TFDP2: variants seen among roughly 807,000 people sequenced by gnomAD.
TFDP2 encodes the protein transcription factor Dp-2.
A neutral mutation model predicts 59.3 loss-of-function variants in TFDP2; 17 were observed. That is an observed-to-expected ratio of 0.29 (90% CI 0.20 to 0.43). The LOEUF (loss-of-function observed/expected upper bound fraction) is 0.43, where lower values mean the gene tolerates loss of function less well. Ranked by LOEUF, TFDP2 falls within the 20% of genes least tolerant of loss-of-function variation. TFDP2 has a pLI of 1.00. For missense variants in TFDP2, 391 were observed against 528.8 expected (o/e 0.74, Z 2.56); for synonymous variants, 180 against 194.7 (o/e 0.92, Z 0.63).
intron 2 of TFDP2, among the ~76,000 whole-genome samples, chr3:142,095,220 C>T (rs942408749): frequency 6.6e-6 from 1 of 152,118 alleles, no homozygotes; most frequent in Admixed American, 6.5e-5. Flanking sequence ...AAACTCCTGT[C>T]CTCAAGTGAT....
At chr3:142,100,615 T>C (rs1007276440) in intron 2 of TFDP2, among the ~76,000 whole-genome samples, 87 of 152,066 alleles carry the variant, frequency 5.7e-4, no homozygotes, top group Non-Finnish European at 1.0e-3. Flanking sequence ...TCAGGTGATC[T>C]GCCCACCTTG....
chr3:141,971,107 T>C (rs1939664370), intron 8 of TFDP2, among the ~76,000 whole-genome samples: 1 of 151,716 alleles, frequency 6.6e-6, no homozygotes, highest in South Asian at 2.1e-4. Flanking sequence ...ATTTTCCAGC[T>C]TCAAACTACT....
intron 3 of TFDP2, among the ~76,000 whole-genome samples, chr3:142,045,187 CTT>C (rs1340633984): frequency 7.3e-6 from 1 of 136,950 alleles, no homozygotes; most frequent in Non-Finnish European, 1.6e-5. Flanking sequence ...GAGTTTCACT[CTT>C]GTTGCCCAGG....
At position 141,954,412 on chromosome 3, in the gene TFDP2, G is replaced by A. The variant is rs372976078; in HGVS notation, c.1052-1396C>T. On this transcript the variant is annotated intron_variant, in intron 11 of 12. Coordinates refer to ENST00000489671, the MANE Select transcript of TFDP2 (RefSeq NM_001178139.2). Reference sequence around the variant, plus strand: ...TCCCAGCACTTTGGGAGGCCAAGGCGGGCAGATTGAGCTCAGGAGTTCGAG... The same window carrying A: ...TCCCAGCACTTTGGGAGGCCAAGGCAGGCAGATTGAGCTCAGGAGTTCGAG... Among the ~76,000 whole-genome samples, 254 of 152,110 alleles carry A rather than the reference G, an allele frequency of 1.7e-3. 2 individuals carry two copies. Among genetic ancestry groups the A allele is most frequent in the African/African-American group, 5.8e-3 (239 of 41,514 alleles).
chr3:141,981,229 T>C (rs752882574), intron 6 of TFDP2, among the ~76,000 whole-genome samples: 5 of 152,220 alleles, frequency 3.3e-5, no homozygotes, highest in Non-Finnish European at 7.3e-5. Flanking sequence ...CAATGACCTA[T>C]AGTATTCAAA....
At chr3:141,998,441 C>G (rs778420850) in intron 4 of TFDP2, among the ~76,000 whole-genome samples, 1 of 151,940 alleles carries the variant, frequency 6.6e-6, no homozygotes, top group African/African-American at 2.4e-5. Flanking sequence ...TGGTGAAACC[C>G]CATATCTACC....
At chr3:142,052,310 G>T (rs1440065321) in intron 3 of TFDP2, among the ~76,000 whole-genome samples, 3 of 152,052 alleles carry the variant, frequency 2.0e-5, no homozygotes, top group Non-Finnish European at 4.4e-5. Context: ...GGCCAAGGCG[G>T]GCAGATCACA....
intron 6 of TFDP2, among the ~76,000 whole-genome samples, chr3:141,989,936 G>A (rs537189650): frequency 2.4e-4 from 36 of 151,110 alleles, no homozygotes; most frequent in African/African-American, 7.8e-4. Flanking sequence ...CTCGGTCACC[G>A]GGGCTGGAGT....
intron 5 of TFDP2, 94 bp from the exon 6 acceptor site, chr3:141,993,679 C>T: frequency 1.5e-6 from 1 of 653,060 alleles, no homozygotes; most frequent in Non-Finnish European, 2.5e-6. Context: ...AAATTATACA[C>T]TGAATATATT....
In TFDP2 at chr3:142,149,316, G is replaced by A. The variant is rs1166849450; in HGVS notation, c.-226C>T. 2 of 394,880 alleles carry A rather than the reference G, an allele frequency of 5.1e-6. No homozygotes were observed. The highest frequency in any genetic ancestry group is 8.9e-6 in the Non-Finnish European group (2 of 223,876). 24.5% of individuals were successfully genotyped at this position (394,880 alleles called of 1,614,324 possible). On this transcript the variant is annotated 5_prime_UTR_variant, in exon 1 of 13. Transcript: ENST00000489671. ...GGGTCCCGGTGGACTCACACCCGGG[G>A]AGACGCGGCCTGCCCGGTCAAGGCC... is the stretch of plus-strand genomic sequence containing the variant.
At chr3:142,011,437 T>G in intron 3 of TFDP2, among the ~76,000 whole-genome samples, 1 of 102,156 alleles carries the variant, frequency 9.8e-6, no homozygotes, top group African/African-American at 3.7e-5. Flanking sequence ...CTGGGGACTG[T>G]GGTGGGGTGG....
At chr3:141,971,473 C>T (rs189876784) in intron 8 of TFDP2, among the ~76,000 whole-genome samples, 19 of 151,558 alleles carry the variant, frequency 1.3e-4, no homozygotes, top group East Asian at 3.9e-4. Flanking sequence ...TGCTCGAACC[C>T]GGGAGGCGGA....
Position 141,959,742 on chromosome 3 carries a change from T to G in TFDP2, c.983A>C (p.Lys328Thr). 1.2e-6 allele frequency: 2 copies of G among 1,614,192 alleles called. No homozygotes were observed. Among genetic ancestry groups the G allele is most frequent in the Non-Finnish European group, 1.7e-6 (2 of 1,180,028 alleles). ...MGMSFGLESG[K>T]CSLEDLKLAK... ...AAGTTTCAGATCCTCCAGAGAGCAT[T>G]TGCCTGACTCCAGGCCAAACGACAT... Residue 328 changes from lysine to threonine, a missense_variant, in exon 11 of 13, where the codon AAA becomes ACA. By Grantham distance (78) the Lys-to-Thr change is moderately conservative. Transcript: ENST00000489671.
chr3:142,023,012 C>A (rs1266958271), intron 3 of TFDP2, among the ~76,000 whole-genome samples: 1 of 150,114 alleles, frequency 6.7e-6, no homozygotes, highest in African/African-American at 2.5e-5. Context: ...CCCAGCTACT[C>A]AGGAGGCTGA....
chr3:142,005,062 T>C (rs1214488385), intron 4 of TFDP2, among the ~76,000 whole-genome samples: 1 of 152,220 alleles, frequency 6.6e-6, no homozygotes, highest in African/African-American at 2.4e-5. Context: ...TTCTTTTTCT[T>C]TTTGAGACAG....
intron 3 of TFDP2, among the ~76,000 whole-genome samples, chr3:142,079,212 A>G (rs2060558184): frequency 6.6e-6 from 1 of 152,118 alleles, no homozygotes; most frequent in African/African-American, 2.4e-5. Context: ...CTGAGGCAGT[A>G]GAATGGCTTG....
rs765096570 is a variant in TFDP2, at chr3:142,023,122, CAAAAAAAAAAAA to C, written c.83-17590_83-17579del. Reference sequence around the variant, plus strand: ...CAACGCAGTGAGACTCCCTCCGTCTCAAAAAAAAAAAAAAAAAAAAAGAAAAAGAAAAGAAAA... The same window carrying C: ...CAACGCAGTGAGACTCCCTCCGTCTCAAAAAAAAAGAAAAAGAAAAGAAAA... On this transcript the variant is annotated intron_variant, in intron 3 of 12. Transcript: ENST00000489671. Among the ~76,000 whole-genome samples the C allele has an allele frequency of 6.7e-5, 4 of 59,602 alleles. 1 individual carries two copies. Among genetic ancestry groups the C allele is most frequent in the Admixed American group, 6.4e-4 (3 of 4,698 alleles). The allele number at this position is 59,602 out of a possible 152,430, so 39.1% of individuals were successfully genotyped here. A position where few individuals can be genotyped will look rare whatever the true frequency, so the allele number is the denominator to read the frequency against.
chr3:141,977,527 G>GCTCA (rs1449980171), intron 7 of TFDP2, among the ~76,000 whole-genome samples: 1 of 151,982 alleles, frequency 6.6e-6, no homozygotes, highest in Non-Finnish European at 1.5e-5. Flanking sequence ...GGGAAGTAGA[G>GCTCA]GTTTCATTGA....
At chr3:142,044,919 A>G (rs548044753) in intron 3 of TFDP2, among the ~76,000 whole-genome samples, 164 of 152,206 alleles carry the variant, frequency 1.1e-3, no homozygotes, top group African/African-American at 3.7e-3. Flanking sequence ...TTAATATAGA[A>G]TCTGGTACTC....
Sources: allele counts gnomAD v4.1 joint callset (sites outside exome capture counted in the v4.1 genomes callset), GRCh38; gene constraint gnomAD v4.1.1; transcripts MANE v1.5; gene names NCBI Gene and HGNC (gene_info 2026-07-23, HGNC 2026-07-21).